TNRC6C: variants seen among roughly 807,000 people sequenced by gnomAD.
TNRC6C encodes trinucleotide repeat-containing gene 6C protein.
In TNRC6C, 20 loss-of-function variants were observed where a neutral mutation model predicts 153.7. The observed-to-expected ratio is 0.13, with a 90% CI of 0.09 to 0.19. TNRC6C has a LOEUF of 0.19. TNRC6C is among the 10% of genes least tolerant of loss of function. The pLI, the probability that TNRC6C is intolerant of heterozygous loss-of-function variation, is 1.00. For synonymous variants in TNRC6C, 811 were observed against 841.4 expected, an observed-to-expected ratio of 0.96 and a Z score of 0.63; for missense variants, 1,987 against 2,172.0, an observed-to-expected ratio of 0.91 and a Z score of 1.69.
intron 1 of TNRC6C, among the ~76,000 whole-genome samples, chr17:78,022,900 T>C (rs1172965065): frequency 1.3e-5 from 2 of 152,238 alleles, no homozygotes. Context: ...CAGACCTTTT[T>C]TTCTTATTAT....
chr17:77,994,699 C>G (rs907917497), intron 1 of TNRC6C, among the ~76,000 whole-genome samples: 8 of 151,780 alleles, frequency 5.3e-5, no homozygotes, highest in African/African-American at 1.9e-4. Flanking sequence ...CTAAACTTGC[C>G]CAAATATGCC....
At chr17:77,990,523 T>C (rs998660149) in intron 1 of TNRC6C, among the ~76,000 whole-genome samples, 1 of 152,172 alleles carries the variant, frequency 6.6e-6, no homozygotes, top group African/African-American at 2.4e-5. Flanking sequence ...CTTTCATGCG[T>C]GTTGTCCCCT....
At chr17:78,050,660 G>A (rs2072509127) in exon 3 of TNRC6C, 1 of 1,560,664 alleles carries the variant, frequency 6.4e-7, no homozygotes. Flanking sequence ...GCGCCAAGTG[G>A]CCCGGGGGTT....
At position 78,104,861 on chromosome 17, in the gene TNRC6C, G is replaced by A. The variant is rs1262951493; in HGVS notation, c.*16G>A. 1 of 1,412,482 alleles carries A rather than the reference G, an allele frequency of 7.1e-7. No homozygotes were observed. Among genetic ancestry groups the A allele is most frequent in the Non-Finnish European group, 9.2e-7 (1 of 1,087,566 alleles). 87.5% of individuals were successfully genotyped at this position (1,412,482 alleles called of 1,614,324 possible). ...GTCCCTGTAGGCTCTGCCATCATCAGCACCAGGAGAGCCGACCCCTCCCGG... is the reference window on the plus strand; with the variant it reads ...GTCCCTGTAGGCTCTGCCATCATCAACACCAGGAGAGCCGACCCCTCCCGG... On this transcript the variant is annotated 3_prime_UTR_variant, in exon 20 of 20. Transcript: ENST00000301624. This position sits in a 1 kb window ranked among gnomAD's most constrained non-coding sequence, Gnocchi z 6.2.
intron 1 of TNRC6C, among the ~76,000 whole-genome samples, chr17:78,006,585 C>T (rs962934562): frequency 2.9e-5 from 4 of 139,994 alleles, no homozygotes; most frequent in Admixed American, 7.3e-5. Flanking sequence ...CCTTCTTCTT[C>T]CTTCTTCCTT....
rs763167366 is a variant in TNRC6C at position 78,104,775 on chromosome 17, G to A, written c.5003G>A (p.Arg1668Lys). ...GGCCCGCCCAGCGCCGACGACAGCAGGGTGATAGGCAGCCCCACGCCGCTA... is the reference window on the plus strand; with the variant it reads ...GGCCCGCCCAGCGCCGACGACAGCAAGGTGATAGGCAGCCCCACGCCGCTA... The change falls in exon 20 of 20, where the codon AGG (arginine) becomes AAG (lysine). Residue 1668 changes from arginine to lysine, a missense_variant. By Grantham distance (26) the Arg-to-Lys change is conservative. This residue lies in a region of TNRC6C where 139 missense variants were observed against 148.5 expected (regional missense o/e 0.94). Transcript: ENST00000301624. This position sits in a 1 kb window ranked among gnomAD's most constrained non-coding sequence, Gnocchi z 6.2. 1.2e-5 allele frequency: 17 copies of A among 1,475,376 alleles called. No individual in the cohort carries two copies. The highest frequency in any genetic ancestry group is 9.0e-7 in the Non-Finnish European group (1 of 1,112,918). The allele number at this position is 1,475,376 out of a possible 1,614,324, so 91.4% of individuals were successfully genotyped here.
chr17:78,010,429 A>G (rs1379858098), intron 1 of TNRC6C, among the ~76,000 whole-genome samples: 2 of 152,014 alleles, frequency 1.3e-5, no homozygotes, highest in Non-Finnish European at 2.9e-5. Flanking sequence ...TTTAATATCA[A>G]TCAGAATGAA....
At position 78,075,990 on chromosome 17, in the gene TNRC6C, G is replaced by T. The variant is rs2073076552; in HGVS notation, c.3060+712G>T. 6.6e-6 allele frequency among the ~76,000 whole-genome samples: 1 copy of T among 151,950 alleles called. No individual in the cohort carries two copies. Among genetic ancestry groups the T allele is most frequent in the Non-Finnish European group, 1.5e-5 (1 of 67,992 alleles). On this transcript the variant is annotated intron_variant, in intron 8 of 19. Coordinates refer to ENST00000301624, the Ensembl canonical transcript of TNRC6C. The surrounding 1 kb of genome is among the most constrained non-coding windows in gnomAD (Gnocchi z 4.2). Reference sequence around the variant, plus strand: ...CCAGCACTTTGGGAGGCTGAGGTGGGTGGATCACCTGAGGTCAGGAGATCG... The same window carrying T: ...CCAGCACTTTGGGAGGCTGAGGTGGTTGGATCACCTGAGGTCAGGAGATCG...
chr17:78,077,098 C>CA (rs2073098292), intron 8 of TNRC6C, 87 bp from the exon 11 acceptor site: 2 of 1,443,278 alleles, frequency 1.4e-6, no homozygotes, highest in Non-Finnish European at 1.9e-6. Context: ...TATCCATCCA[C>CA]GCCTCCTCTG....
exon 13 of TNRC6C, chr17:78,087,059 G>A: frequency 6.2e-7 from 1 of 1,613,644 alleles, no homozygotes; most frequent in East Asian, 2.2e-5. Context: ...AAGAGCAGCA[G>A]TCTTCACCCA....
intron 1 of TNRC6C, among the ~76,000 whole-genome samples, chr17:77,959,523 G>A (rs1598632598): frequency 6.6e-6 from 1 of 152,168 alleles, no homozygotes; most frequent in Non-Finnish European, 1.5e-5. Flanking sequence ...TGGAATGGAG[G>A]GCTGAAGATG....
chr17:77,970,638 T>C (rs897280834), intron 1 of TNRC6C, among the ~76,000 whole-genome samples: 2 of 152,200 alleles, frequency 1.3e-5, no homozygotes, highest in Non-Finnish European at 2.9e-5. Flanking sequence ...ATAAACTTTC[T>C]TAAAATACTA....
Position 78,019,662 on chromosome 17 carries a change from G to T in TNRC6C, c.-545-11854G>T, listed in dbSNP as rs148867628. ...CTGAAAGTTTTTTAAAATTATATAT[G>T]TAGTTATTAAATGGTTGCTATCTTA... On this transcript the variant is annotated intron_variant, in intron 1 of 19. Transcript: ENST00000301624. Among the ~76,000 whole-genome samples the T allele has an allele frequency of 8.5e-5, 13 of 152,300 alleles. No individual in the cohort carries two copies. In the East Asian group the frequency reaches 2.3e-3, roughly 27 times the overall value.
intron 17 of TNRC6C, 52 bp downstream of exon 20, chr17:78,098,589 G>T: frequency 6.4e-7 from 1 of 1,561,568 alleles, no homozygotes; most frequent in Non-Finnish European, 8.7e-7. Context: ...TTTAGGGGAT[G>T]TGCTTATCAC....
intron 1 of TNRC6C, among the ~76,000 whole-genome samples, chr17:77,971,140 C>T (rs2070937323): frequency 6.6e-6 from 1 of 152,154 alleles, no homozygotes; most frequent in Non-Finnish European, 1.5e-5. Flanking sequence ...TGTAAAATGT[C>T]TATCTGAGAC....
At chr17:78,000,548 C>T (rs2143145476), upstream of TNRC6C, among the ~76,000 whole-genome samples, 1 of 142,620 alleles carries the variant, frequency 7.0e-6, no homozygotes, top group South Asian at 2.2e-4. Flanking sequence ...AAAGGAAATT[C>T]TAATTGAATT....
chr17:78,093,514 C>T, intron 15 of TNRC6C, 106 bp from the exon 18 acceptor site: 1 of 1,369,536 alleles, frequency 7.3e-7, no homozygotes, highest in Non-Finnish European at 9.9e-7. Flanking sequence ...ATTTAATTAG[C>T]AGATTATAAA....
chr17:78,077,522 A>G (rs2073105683), intron 9 of TNRC6C, 188 bp downstream of exon 11: 1 of 722,022 alleles, frequency 1.4e-6, no homozygotes, highest in African/African-American at 1.8e-5. Context: ...GAAGTAGGAA[A>G]TGCTTTAGTT....
At chr17:77,984,917 A>C (rs2071139868) in intron 1 of TNRC6C, among the ~76,000 whole-genome samples, 1 of 152,180 alleles carries the variant, frequency 6.6e-6, no homozygotes, top group South Asian at 2.1e-4. Flanking sequence ...CCCATAAGGA[A>C]CTATTTTTAC....
Sources: allele counts gnomAD v4.1 joint callset (sites outside exome capture counted in the v4.1 genomes callset), GRCh38; gene constraint gnomAD v4.1.1; regional missense constraint gnomAD v4.1.1; non-coding constraint Gnocchi (gnomAD v3.1); transcripts MANE v1.5; gene names NCBI Gene and HGNC (gene_info 2026-07-23, HGNC 2026-07-21).